Variants in NEBL observed in about 807,000 individuals in gnomAD.
NEBL encodes nebulette.
NEBL carries 122 observed loss-of-function variants against 140.2 expected under a neutral mutation model. The observed-to-expected ratio is 0.87, with a 90% CI of 0.75 to 1.01. NEBL has a LOEUF of 1.01. NEBL is among the 50% of genes least tolerant of loss of function. The pLI is 0.00. For synonymous variants in NEBL, 436 were observed against 398.9 expected (o/e 1.09, Z -1.11); for missense variants, 1,365 against 1,231.3 (o/e 1.11, Z -1.62).
chr10:21,265,483 G>A (rs1842787819), intron 1 of NEBL, among the ~76,000 whole-genome samples: 2 of 152,204 alleles, frequency 1.3e-5, no homozygotes, highest in South Asian at 4.1e-4. Flanking sequence ...TTGAATTTAA[G>A]AAGCCTTAAG....
chr10:21,284,136 G>A (rs1460864239), intron 1 of NEBL, among the ~76,000 whole-genome samples: 1 of 148,004 alleles, frequency 6.8e-6, no homozygotes, highest in Non-Finnish European at 1.5e-5. Flanking sequence ...GTAGAACCCA[G>A]GAGGCAGAGG....
At chr10:20,819,303 C>A in intron 20 of NEBL, 121 bp downstream of exon 20, 1 of 1,458,206 alleles carries the variant, frequency 6.9e-7, no homozygotes, top group South Asian at 1.2e-5. Context: ...CATTATTATG[C>A]AGTATTTGGT....
intron 4 of NEBL, among the ~76,000 whole-genome samples, chr10:20,912,557 A>C (rs1266513556): frequency 1.3e-5 from 2 of 152,182 alleles, no homozygotes; most frequent in Non-Finnish European, 2.9e-5. Context: ...TATCTCTCAA[A>C]TCTTTATCAA....
At chr10:20,928,788 C>A (rs746137135) in intron 4 of NEBL, among the ~76,000 whole-genome samples, 7 of 152,180 alleles carry the variant, frequency 4.6e-5, no homozygotes, top group Non-Finnish European at 1.0e-4. Flanking sequence ...CTCTACCAGA[C>A]CAATTCCATC....
intron 3 of NEBL, among the ~76,000 whole-genome samples, chr10:20,973,440 G>A (rs1589095323): frequency 1.3e-5 from 2 of 152,040 alleles, no homozygotes; most frequent in East Asian, 3.9e-4. Context: ...TGTAGAGACA[G>A]GGTCACACTA....
chr10:20,968,492 C>G (rs1365524758), intron 3 of NEBL, among the ~76,000 whole-genome samples: 1 of 152,126 alleles, frequency 6.6e-6, no homozygotes, highest in East Asian at 1.9e-4. Context: ...GCCTGGGCAA[C>G]AGAGCAAGAC....
upstream of NEBL, among the ~76,000 whole-genome samples, chr10:21,175,850 A>G (rs1191751309): frequency 2.0e-5 from 3 of 152,264 alleles, no homozygotes; most frequent in African/African-American, 4.8e-5. Context: ...TTACATTTTC[A>G]TAACTGTAGA....
intron 3 of NEBL, among the ~76,000 whole-genome samples, chr10:20,963,914 A>C (rs1174539048): frequency 6.6e-6 from 1 of 152,194 alleles, no homozygotes; most frequent in East Asian, 1.9e-4. Flanking sequence ...CACCAGTTCA[A>C]GCACCAGCCC....
chr10:20,982,625 T>G (rs1385508891), intron 3 of NEBL, among the ~76,000 whole-genome samples: 6 of 152,184 alleles, frequency 3.9e-5, no homozygotes, highest in African/African-American at 1.4e-4. Flanking sequence ...CTAAAAACCC[T>G]AAAAGCAAGA....
intron 1 of NEBL, chr10:21,172,509 A>G (rs369937907): frequency 1.3e-6 from 2 of 1,529,042 alleles, no homozygotes; most frequent in Non-Finnish European, 1.8e-6. Flanking sequence ...TTAAAAATAC[A>G]GTACAATGCC....
intron 2 of NEBL, among the ~76,000 whole-genome samples, chr10:21,089,370 A>C (rs1267094622): frequency 6.6e-6 from 1 of 152,170 alleles, no homozygotes; most frequent in African/African-American, 2.4e-5. Flanking sequence ...AGAGCTAGCC[A>C]TGGAAGTCCT....
At chr10:20,904,969 C>A (rs576217467) in intron 4 of NEBL, among the ~76,000 whole-genome samples, 62 of 152,240 alleles carry the variant, frequency 4.1e-4, no homozygotes, top group Non-Finnish European at 4.3e-4. Flanking sequence ...TTTATGAAAA[C>A]ACAGCAATGT....
At chr10:20,971,892 C>A (rs965199122) in intron 3 of NEBL, among the ~76,000 whole-genome samples, 1 of 152,078 alleles carries the variant, frequency 6.6e-6, no homozygotes, top group Non-Finnish European at 1.5e-5. Flanking sequence ...GGATTACAGG[C>A]GTGAGCCACC....
At chr10:21,046,683 C>G (rs1204777968) in intron 2 of NEBL, among the ~76,000 whole-genome samples, 1 of 152,174 alleles carries the variant, frequency 6.6e-6, no homozygotes, top group Non-Finnish European at 1.5e-5. Flanking sequence ...TCACTGCAAG[C>G]TCCGCCTACC....
intron 9 of NEBL, among the ~76,000 whole-genome samples, chr10:20,857,864 C>T (rs1244699134): frequency 6.6e-6 from 1 of 151,974 alleles, no homozygotes; most frequent in African/African-American, 2.4e-5. Flanking sequence ...CTACTGAAGG[C>T]GTACTAAATA....
At chr10:21,064,254 A>C (rs185339537) in intron 2 of NEBL, among the ~76,000 whole-genome samples, 163 of 152,368 alleles carry the variant, frequency 1.1e-3, no homozygotes, top group African/African-American at 3.9e-3. Flanking sequence ...CTAAAAATAC[A>C]TACATATTTC....
At chr10:20,983,983 T>G (rs1237258336) in intron 3 of NEBL, among the ~76,000 whole-genome samples, 1 of 152,214 alleles carries the variant, frequency 6.6e-6, no homozygotes, top group East Asian at 1.9e-4. Flanking sequence ...TGCAAATCTA[T>G]GTAGTTTTTC....
rs778658096 is a variant in NEBL, at chr10:20,826,482, C to T, written c.1834G>A (p.Glu612Lys). The change falls in exon 18 of 28, where the codon GAA (glutamate) becomes AAA (lysine). Residue 612 changes from glutamate to lysine, a missense_variant. Around this residue, in one of 2 missense-constraint regions of NEBL, gnomAD observed 1,323 missense variants for 1,154.8 expected, o/e 1.15. Coordinates refer to ENST00000377122, the MANE Select transcript of NEBL (RefSeq NM_006393.3). ...GTAVKDSPEI[E>K]RVKKNQQNIS... is the part of the protein sequence containing the mutation. Reference sequence around the variant, plus strand: ...TTCTGCTGATTTTTCTTCACTCGTTCGATCTCTGGGCTATCTTTCACTGCA... The same window carrying T: ...TTCTGCTGATTTTTCTTCACTCGTTTGATCTCTGGGCTATCTTTCACTGCA... 3.1e-5 allele frequency: 50 copies of T among 1,612,822 alleles called. No individual in the cohort carries two copies. Among genetic ancestry groups the T allele is most frequent in the South Asian group, 1.2e-4 (11 of 91,072 alleles).
intron 11 of NEBL, among the ~76,000 whole-genome samples, chr10:20,849,558 G>C (rs1842309660): frequency 6.6e-6 from 1 of 152,134 alleles, no homozygotes. Context: ...AAAAGGATGA[G>C]TTTCCCATCT....
Sources: allele counts gnomAD v4.1 joint callset (sites outside exome capture counted in the v4.1 genomes callset), GRCh38; gene constraint gnomAD v4.1.1; regional missense constraint gnomAD v4.1.1; transcripts MANE v1.5; gene names NCBI Gene and HGNC (gene_info 2026-07-23, HGNC 2026-07-21).